Variants in KIF13A observed in about 807,000 individuals in gnomAD.
KIF13A encodes the protein kinesin-like protein KIF13A.
In KIF13A, 79 loss-of-function variants were observed where a neutral mutation model predicts 212.2. That is an observed-to-expected ratio of 0.37 (90% CI 0.31 to 0.45). The LOEUF (loss-of-function observed/expected upper bound fraction) is 0.45, where lower values mean the gene tolerates loss of function less well. KIF13A is among the 20% of genes least tolerant of loss of function. The pLI, the probability that KIF13A is intolerant of heterozygous loss-of-function variation, is 1.00. For missense variants in KIF13A, 1,901 were observed against 2,209.0 expected, an observed-to-expected ratio of 0.86 and a Z score of 2.79; for synonymous variants, 789 against 808.6, an observed-to-expected ratio of 0.98 and a Z score of 0.41.
intron 3 of KIF13A, among the ~76,000 whole-genome samples, chr6:17,890,628 T>C (rs1169955931): frequency 2.0e-5 from 3 of 150,014 alleles, no homozygotes; most frequent in Non-Finnish European, 4.4e-5. Flanking sequence ...CTTCTCCTTC[T>C]TCTTTTTTTT....
rs1363815291 is a variant in KIF13A at position 17,785,001 on chromosome 6, T to C, written c.3488+514A>G. On this transcript the variant is annotated intron_variant, in intron 28 of 38. Transcript: ENST00000259711. This position sits in a 1 kb window ranked among gnomAD's most constrained non-coding sequence, Gnocchi z 5.8. ...GGAATCTGATTTCTCTTAAATGCCCTGGATATGTTATAATAAAAATGAGAA... is the reference window on the plus strand; with the variant it reads ...GGAATCTGATTTCTCTTAAATGCCCCGGATATGTTATAATAAAAATGAGAA... Among the ~76,000 whole-genome samples the C allele has an allele frequency of 6.6e-6, 1 of 152,174 alleles. No individual in the cohort carries two copies. Among genetic ancestry groups the C allele is most frequent in the Non-Finnish European group, 1.5e-5 (1 of 68,036 alleles).
intron 17 of KIF13A, chr6:17,812,710 G>T (rs1763536252): frequency 6.6e-6 from 1 of 152,124 alleles, no homozygotes; most frequent in South Asian, 2.1e-4. Context: ...GAGATGGCTG[G>T]GTGAAATGAT....
At position 17,771,882 on chromosome 6, in the gene KIF13A, A is replaced by G. The variant is rs1302404366; in HGVS notation, c.4476+26T>C. The G allele has an allele frequency of 5.6e-6, 9 of 1,612,774 alleles. No homozygotes were observed. Among genetic ancestry groups the G allele is most frequent in the Non-Finnish European group, 7.6e-6 (9 of 1,179,114 alleles). On this transcript the variant is annotated intron_variant, in intron 37 of 38. Coordinates refer to ENST00000259711, the MANE Select transcript of KIF13A (RefSeq NM_022113.6). This position sits in a 1 kb window ranked among gnomAD's most constrained non-coding sequence, Gnocchi z 5.4. ...GTGACACAACTCTGCTCTATTCTGC[A>G]TAGTACAGACAAGTCAAGCATTTAC...
intron 34 of KIF13A, 104 bp from the exon 35 acceptor site, chr6:17,775,166 A>AAC: frequency 1.2e-6 from 1 of 838,244 alleles, no homozygotes; most frequent in Non-Finnish European, 1.9e-6. Context: ...TGCAGTCTTC[A>AAC]TTCTTCTCCT....
intron 4 of KIF13A, among the ~76,000 whole-genome samples, chr6:17,868,612 A>C (rs1422281609): frequency 2.0e-5 from 3 of 151,956 alleles, no homozygotes; most frequent in Non-Finnish European, 4.4e-5. Flanking sequence ...TTGAAGCAAA[A>C]AAAAAATTTT....
At chr6:17,867,892 T>G (rs914592518) in intron 4 of KIF13A, among the ~76,000 whole-genome samples, 1 of 152,232 alleles carries the variant, frequency 6.6e-6, no homozygotes, top group African/African-American at 2.4e-5. Flanking sequence ...AAATCATTTC[T>G]AGCTCTGAGC....
At chr6:17,965,081 G>C (rs906495617) in intron 2 of KIF13A, among the ~76,000 whole-genome samples, 1 of 152,040 alleles carries the variant, frequency 6.6e-6, no homozygotes, top group African/African-American at 2.4e-5. Context: ...TGCCCACCTT[G>C]GCCTCCCCAT....
intron 2 of KIF13A, among the ~76,000 whole-genome samples, chr6:17,924,884 G>T (rs1775364515): frequency 6.6e-6 from 1 of 152,164 alleles, no homozygotes; most frequent in Admixed American, 6.5e-5. Context: ...AGCTGATTCA[G>T]AAGTGACAGC....
At chr6:17,760,861 C>A (rs758642501), downstream of KIF13A, 1 of 1,613,670 alleles carries the variant, frequency 6.2e-7, no homozygotes, top group African/African-American at 1.3e-5. Context: ...CTGCTCTCAC[C>A]GTGAGGTTGT....
rs1334140928 is a variant in KIF13A at position 17,789,265 on chromosome 6, T to A, written c.3261+607A>T. ...ATTCCCAACCAGAAAAAGCTGAGAT[T>A]TAAATTCTATAGGTTATGGAGAACT... On this transcript the variant is annotated intron_variant, in intron 26 of 38. Coordinates refer to ENST00000259711, the MANE Select transcript of KIF13A (RefSeq NM_022113.6). The surrounding 1 kb of genome is among the most constrained non-coding windows in gnomAD (Gnocchi z 4.8). Among the ~76,000 whole-genome samples, 2 of 152,176 alleles carry A rather than the reference T, an allele frequency of 1.3e-5. No homozygotes were observed.
intron 2 of KIF13A, among the ~76,000 whole-genome samples, chr6:17,974,487 T>C (rs1404709996): frequency 3.3e-5 from 5 of 152,222 alleles, no homozygotes; most frequent in African/African-American, 1.2e-4. Context: ...GTCAAACCTT[T>C]GGATGGCTAT....
chr6:17,804,919 C>T (rs1055803870), intron 19 of KIF13A, among the ~76,000 whole-genome samples: 1 of 149,494 alleles, frequency 6.7e-6, no homozygotes, highest in Non-Finnish European at 1.5e-5. Flanking sequence ...TCTTCAGTTC[C>T]TGCCTTGTCT....
At chr6:17,876,909 A>G (rs913759324) in intron 3 of KIF13A, among the ~76,000 whole-genome samples, 4 of 152,220 alleles carry the variant, frequency 2.6e-5, no homozygotes, top group African/African-American at 9.6e-5. Flanking sequence ...TGCTGGGATT[A>G]CAGGCATGAG....
rs188890075 is a variant in KIF13A, at chr6:17,853,363, G to A, written c.495-1321C>T. Among the ~76,000 whole-genome samples the A allele has an allele frequency of 4.6e-5, 7 of 152,278 alleles. No individual in the cohort carries two copies. In the East Asian group the frequency reaches 1.4e-3, roughly 29 times the overall value. ...CATTATACCAAGTGCCTGTGATGGTGTCCAGTATCTGAAATTCTTGTACAC... is the reference window on the plus strand; with the variant it reads ...CATTATACCAAGTGCCTGTGATGGTATCCAGTATCTGAAATTCTTGTACAC... On this transcript the variant is annotated intron_variant, in intron 6 of 38. Transcript: ENST00000259711.
At chr6:17,833,216 G>A (rs1200201382) in intron 12 of KIF13A, among the ~76,000 whole-genome samples, 1 of 151,544 alleles carries the variant, frequency 6.6e-6, no homozygotes, top group Non-Finnish European at 1.5e-5. Flanking sequence ...TTTGCTGGGC[G>A]AGGCACAGTG....
intron 38 of KIF13A, chr6:17,770,842 TG>T (rs552912228): frequency 8.8e-5 from 64 of 726,358 alleles, no homozygotes; most frequent in Non-Finnish European, 1.1e-4. Flanking sequence ...AAGATCTCTT[TG>T]TTACACTTTT....
In KIF13A at chr6:17,856,745, G is replaced by A. The variant is rs1581541203; in HGVS notation, c.221-623C>T. ...ATGTACTATACTATGGCAGAGCGGG[G>A]CTGAAGAGTAAAGGAGTGACAATCT... On this transcript the variant is annotated intron_variant, in intron 4 of 38. Coordinates refer to ENST00000259711, the MANE Select transcript of KIF13A (RefSeq NM_022113.6). This position sits in a 1 kb window ranked among gnomAD's most constrained non-coding sequence, Gnocchi z 4.5. Among the ~76,000 whole-genome samples the A allele has an allele frequency of 6.6e-6, 1 of 152,210 alleles. No individual in the cohort carries two copies. The highest frequency in any genetic ancestry group is 6.5e-5 in the Admixed American group (1 of 15,278).
rs74501870 is a variant in KIF13A at position 17,970,767 on chromosome 6, A to G, written c.146+16287T>C. ...GCTCAGATAGGAGTACTGAACAGACATAGGTTATAACCACTTAAAAGCCTT... is the reference window on the plus strand; with the variant it reads ...GCTCAGATAGGAGTACTGAACAGACGTAGGTTATAACCACTTAAAAGCCTT... On this transcript the variant is annotated intron_variant, in intron 2 of 38. Transcript: ENST00000259711. Among the ~76,000 whole-genome samples, 1,109 of 152,358 alleles carry G rather than the reference A, an allele frequency of 7.3e-3. 5 individuals are homozygous for G. Among genetic ancestry groups the G allele is most frequent in the Non-Finnish European group, 0.013 (863 of 68,034 alleles).
At chr6:17,906,642 G>T (rs924310447) in intron 2 of KIF13A, among the ~76,000 whole-genome samples, 37 of 151,924 alleles carry the variant, frequency 2.4e-4, no homozygotes, top group African/African-American at 7.7e-4. Flanking sequence ...TCAAGACAGG[G>T]TCTTGGCATA....
Sources: allele counts gnomAD v4.1 joint callset (sites outside exome capture counted in the v4.1 genomes callset), GRCh38; gene constraint gnomAD v4.1.1; non-coding constraint Gnocchi (gnomAD v3.1); transcripts MANE v1.5; gene names NCBI Gene and HGNC (gene_info 2026-07-23, HGNC 2026-07-21).